The following NYAP2 variants were observed in gnomAD, a reference collection of about 807,000 sequenced individuals.
NYAP2 encodes neuronal tyrosine-phosphorylated phosphoinositide-3-kinase adaptor 2.
In NYAP2, 23 loss-of-function variants were observed where a neutral mutation model predicts 50.4. The observed-to-expected ratio is 0.46, with a 90% CI of 0.33 to 0.65. NYAP2 has a LOEUF of 0.65. NYAP2 is among the 30% of genes least tolerant of loss of function. NYAP2 has a pLI of 0.02. For synonymous variants in NYAP2, 394 were observed against 365.2 expected (o/e 1.08, Z -0.90); for missense variants, 885 against 861.0 (o/e 1.03, Z -0.35).
At position 225,415,880 on chromosome 2, in the gene NYAP2, A is replaced by G. The variant is rs1000802759; in HGVS notation, c.221+6779A>G. Among the ~76,000 whole-genome samples, 7 of 151,928 alleles carry G rather than the reference A, an allele frequency of 4.6e-5. No homozygotes were observed. The East Asian group carries it at 9.7e-4, about 21-fold the overall frequency. Reference sequence around the variant, plus strand: ...ATAACTAACCTATGCTTTGAGCAACATAAAAAAAAAAGCCCTCAGCCATCC... The same window carrying G: ...ATAACTAACCTATGCTTTGAGCAACGTAAAAAAAAAAGCCCTCAGCCATCC... On this transcript the variant is annotated intron_variant, in intron 3 of 6. Transcript: ENST00000636099.
At chr2:225,658,625 C>G (rs1693863713), downstream of NYAP2, among the ~76,000 whole-genome samples, 1 of 152,092 alleles carries the variant, frequency 6.6e-6, no homozygotes. Flanking sequence ...AAAGCATTAT[C>G]TTATGTGTGC....
chr2:225,520,793 T>C (rs977758595), intron 4 of NYAP2, among the ~76,000 whole-genome samples: 2 of 152,216 alleles, frequency 1.3e-5, no homozygotes, highest in African/African-American at 4.8e-5. Context: ...AAAGTAGTTT[T>C]TTCCAATTCT....
chr2:225,410,503 G>A (rs1695020463), intron 3 of NYAP2, among the ~76,000 whole-genome samples: 1 of 151,694 alleles, frequency 6.6e-6, no homozygotes, highest in Non-Finnish European at 1.5e-5. Flanking sequence ...ATGAATCTGA[G>A]TTTTCTAAAA....
chr2:225,398,703 C>T (rs150031216), upstream of NYAP2, among the ~76,000 whole-genome samples: 575 of 152,104 alleles, frequency 3.8e-3, 4 homozygotes, highest in African/African-American at 0.013. Flanking sequence ...GGCCTCTTCT[C>T]TTCCCCGTTT....
chr2:225,479,682 G>T (rs1690174313), intron 3 of NYAP2, among the ~76,000 whole-genome samples: 1 of 151,598 alleles, frequency 6.6e-6, no homozygotes, highest in Admixed American at 6.6e-5. Flanking sequence ...AATTACCAAA[G>T]ATATTTGCAT....
intron 6 of NYAP2, among the ~76,000 whole-genome samples, chr2:225,633,210 T>C (rs757142466): frequency 5.5e-4 from 83 of 152,234 alleles, no homozygotes; most frequent in Non-Finnish European, 3.8e-4. Flanking sequence ...GCCCTTGGCT[T>C]ATGAACAAAG....
At chr2:225,535,794 T>C (rs1172591029) in intron 4 of NYAP2, among the ~76,000 whole-genome samples, 2 of 152,204 alleles carry the variant, frequency 1.3e-5, no homozygotes, top group Non-Finnish European at 2.9e-5. Context: ...GAACAGTTGG[T>C]AAATAGTGAG....
intron 5 of NYAP2, among the ~76,000 whole-genome samples, chr2:225,583,584 C>T (rs1264813713): frequency 1.3e-5 from 2 of 151,342 alleles, no homozygotes; most frequent in Non-Finnish European, 2.9e-5. Context: ...AGTACAAAAT[C>T]TAAGTTCTTA....
At chr2:225,606,619 A>G (rs554819455) in intron 5 of NYAP2, among the ~76,000 whole-genome samples, 56 of 152,282 alleles carry the variant, frequency 3.7e-4, no homozygotes, top group African/African-American at 1.3e-3. Context: ...CTTAAAAAAT[A>G]CATGAAAACA....
At chr2:225,490,864 C>A (rs111869293) in intron 3 of NYAP2, among the ~76,000 whole-genome samples, 2 of 152,340 alleles carry the variant, frequency 1.3e-5, no homozygotes, top group African/African-American at 2.4e-5. Flanking sequence ...TTGAGTTGCA[C>A]AACTCATGAC....
the NYAP2 span, among the ~76,000 whole-genome samples, chr2:225,686,624 T>A: frequency 1.3e-5 from 2 of 152,198 alleles, no homozygotes; most frequent in Admixed American, 6.5e-5. Flanking sequence ...AATAAAATTT[T>A]AAAAATTTAC....
chr2:225,576,388 C>T (rs1256099458), intron 4 of NYAP2, among the ~76,000 whole-genome samples: 1 of 152,184 alleles, frequency 6.6e-6, no homozygotes, highest in Admixed American at 6.5e-5. Flanking sequence ...AGGCCATTTG[C>T]AACTTCCATT....
chr2:225,471,738 G>A (rs1373694410), intron 3 of NYAP2, among the ~76,000 whole-genome samples: 1 of 152,196 alleles, frequency 6.6e-6, no homozygotes, highest in Non-Finnish European at 1.5e-5. Flanking sequence ...TTACACAGGA[G>A]AAAACAAGTT....
intron 3 of NYAP2, among the ~76,000 whole-genome samples, chr2:225,434,584 T>C (rs1230997656): frequency 6.6e-6 from 1 of 152,212 alleles, no homozygotes; most frequent in African/African-American, 2.4e-5. Flanking sequence ...CTGGAACGTA[T>C]AGCATGAACT....
intron 3 of NYAP2, among the ~76,000 whole-genome samples, chr2:225,482,733 G>C (rs927710738): frequency 6.6e-6 from 1 of 152,070 alleles, no homozygotes; most frequent in Non-Finnish European, 1.5e-5. Context: ...GGATCATTAA[G>C]TTTCCTCTTC....
At chr2:225,659,996 G>A in the NYAP2 span, among the ~76,000 whole-genome samples, 1 of 152,120 alleles carries the variant, frequency 6.6e-6, no homozygotes, top group Non-Finnish European at 1.5e-5. Flanking sequence ...AACTGCTAGT[G>A]CATGGTGATA....
At chr2:225,699,606 ATTTC>A in the NYAP2 span, 2 of 151,918 alleles carry the variant, frequency 1.3e-5, no homozygotes, top group Non-Finnish European at 2.9e-5. Context: ...TAAAATATGT[ATTTC>A]TTGTTAATTT....
rs536992625 is a variant in NYAP2 at position 225,645,268 on chromosome 2, G to A, written c.1829-6164G>A. ...AAAAAAAAAAAAGAAGAAGAAAAAA[G>A]CTAACTAATAAATTACATAGTCCTA... On this transcript the variant is annotated intron_variant, in intron 6 of 6. Coordinates refer to ENST00000636099, the Ensembl canonical transcript of NYAP2. 1.8e-3 allele frequency among the ~76,000 whole-genome samples: 271 copies of A among 151,058 alleles called. 2 individuals carry two copies. Among genetic ancestry groups the A allele is most frequent in the African/African-American group, 6.2e-3 (257 of 41,216 alleles).
chr2:225,446,212 GTCTGTCTCTC>G lies in NYAP2; in HGVS notation c.221+37115_221+37124del, dbSNP rs1384151696. On this transcript the variant is annotated intron_variant, in intron 3 of 6. Coordinates refer to ENST00000636099, the Ensembl canonical transcript of NYAP2. The stretch of plus-strand genomic sequence containing the variant: ...TGTCTGTCTGTCTGTCTGTCTGTCT[GTCTGTCTCTC>G]TCTCTCTCTCTCTCTCTCTCTCTCT... 5.1e-3 allele frequency among the ~76,000 whole-genome samples: 239 copies of G among 47,260 alleles called. 1 individual carries two copies. Among genetic ancestry groups the G allele is most frequent in the African/African-American group, 0.013 (221 of 17,602 alleles). The allele number at this position is 47,260 out of a possible 152,430, so 31.0% of individuals were successfully genotyped here.
Sources: gnomAD v4.1 joint callset for allele counts (sites outside exome capture counted in the v4.1 genomes callset) on GRCh38, gnomAD v4.1.1 for gene constraint, MANE v1.5 for transcripts, NCBI Gene and HGNC (gene_info 2026-07-23, HGNC 2026-07-21) for gene names.